Variants in NCOA3 observed in about 807,000 individuals in gnomAD.
The protein encoded by NCOA3 is CBP-interacting protein.
NCOA3 carries 51 observed loss-of-function variants against 158.8 expected under a neutral mutation model. That is an observed-to-expected ratio of 0.32 (90% confidence interval 0.26 to 0.41). The LOEUF is 0.41. Ranked by LOEUF, NCOA3 falls within the 10% of genes least tolerant of loss-of-function variation. NCOA3 has a pLI of 1.00. For missense variants in NCOA3, 1,510 were observed against 1,746.6 expected (o/e 0.86, Z 2.41); for synonymous variants, 537 against 592.4 (o/e 0.91, Z 1.36).
At chr20:47,529,558 G>A (rs563974410) in intron 1 of NCOA3, among the ~76,000 whole-genome samples, 44 of 152,206 alleles carry the variant, frequency 2.9e-4, no homozygotes, top group African/African-American at 1.0e-3. Context: ...GACCACAAGC[G>A]CATGCCACCA....
intron 1 of NCOA3, among the ~76,000 whole-genome samples, chr20:47,563,355 AACTC>A (rs1273238642): frequency 1.3e-5 from 2 of 152,212 alleles, no homozygotes; most frequent in African/African-American, 2.4e-5. Flanking sequence ...AGTTGTAACA[AACTC>A]ACCACTCTGA....
chr20:47,575,738 A>C (rs907468590), intron 1 of NCOA3, among the ~76,000 whole-genome samples: 3 of 152,220 alleles, frequency 2.0e-5, no homozygotes, highest in Admixed American at 6.5e-5. Flanking sequence ...AATTTAAGTC[A>C]ATGAGTCTGT....
At chr20:47,650,938 G>A (rs1222071068) in intron 19 of NCOA3, 44 bp from the exon 20 acceptor site, 23 of 1,578,598 alleles carry the variant, frequency 1.5e-5, no homozygotes, top group Non-Finnish European at 1.9e-5. Context: ...CAACTGGCAG[G>A]TTCTTGCTAT....
At chr20:47,553,420 T>G (rs1027452373) in intron 1 of NCOA3, among the ~76,000 whole-genome samples, 1 of 152,144 alleles carries the variant, frequency 6.6e-6, no homozygotes, top group Non-Finnish European at 1.5e-5. Flanking sequence ...TATTATACTT[T>G]AAGTTTTAGG....
At position 47,622,312 on chromosome 20, in the gene NCOA3, G is replaced by A. The variant is rs2086254677; in HGVS notation, c.65G>A (p.Cys22Tyr). 6.2e-7 allele frequency: 1 copy of A among 1,605,752 alleles called. No homozygotes were observed. Among genetic ancestry groups the A allele is most frequent in the Admixed American group, 1.7e-5 (1 of 58,646 alleles). The part of the protein sequence containing the change: ...ASDSRKRKLP[C>Y]DTPGQGLTCS... ...GATTCACGAAAACGCAAATTGCCAT[G>A]TGATACTCCAGGACAAGGGTAGGTG... The change falls in exon 3 of 23, where the codon TGT becomes TAT. Residue 22 changes from cysteine (C) to tyrosine (Y), a missense_variant. Cys to Tyr is a radical substitution (Grantham distance 194). This residue lies in a region of NCOA3 where 309 missense variants were observed against 427.1 expected (regional missense o/e 0.72). Coordinates refer to ENST00000371998, the MANE Select transcript of NCOA3 (RefSeq NM_181659.3).
intron 8 of NCOA3, among the ~76,000 whole-genome samples, chr20:47,632,884 T>C (rs1372763964): frequency 6.6e-6 from 1 of 152,038 alleles, no homozygotes; most frequent in East Asian, 1.9e-4. Flanking sequence ...GGTTTCACCA[T>C]GTTGGCCAGG....
chr20:47,638,860 A>G (rs1230441181), intron 13 of NCOA3, 148 bp from the exon 14 acceptor site: 2 of 636,396 alleles, frequency 3.1e-6, no homozygotes, highest in African/African-American at 1.9e-5. Flanking sequence ...GGTGAGGGCC[A>G]CTTCCCTCAC....
rs536613500 is a variant in NCOA3 at position 47,510,478 on chromosome 20, C to CTTGA, written c.-99+8460_-99+8463dup. 6.6e-3 allele frequency among the ~76,000 whole-genome samples: 972 copies of CTTGA among 147,974 alleles called. 12 individuals carry two copies. The highest frequency in any genetic ancestry group is 0.023 in the African/African-American group (910 of 40,142). On this transcript the variant is annotated intron_variant, in intron 1 of 22. Coordinates refer to ENST00000371998, the MANE Select transcript of NCOA3 (RefSeq NM_181659.3). ...CGATCATATCTAGAATGGTAGAAGC[C>CTTGA]TTGAGTGTATGGGTTCTAAGATTTG...
intron 18 of NCOA3, 116 bp from the exon 19 acceptor site, chr20:47,648,889 A>G: frequency 1.6e-6 from 1 of 626,038 alleles, no homozygotes; most frequent in Non-Finnish European, 2.8e-6. Context: ...GACGTGACTT[A>G]GCCAGGTTAT....
intron 1 of NCOA3, among the ~76,000 whole-genome samples, chr20:47,525,512 G>T (rs1279930912): frequency 6.7e-6 from 1 of 149,484 alleles, no homozygotes; most frequent in East Asian, 2.0e-4. Context: ...AGGGGCGGCC[G>T]GGCAGAGGCG....
At chr20:47,517,451 CTTTTTTTTTT>C (rs376699406) in intron 1 of NCOA3, among the ~76,000 whole-genome samples, 2 of 129,280 alleles carry the variant, frequency 1.5e-5, no homozygotes, top group African/African-American at 3.2e-5. Context: ...TTTTCTTTTT[CTTTTTTTTTT>C]TTTTTTTGAG....
chr20:47,620,303 G>A (rs2086218151), intron 2 of NCOA3, among the ~76,000 whole-genome samples: 1 of 152,024 alleles, frequency 6.6e-6, no homozygotes, highest in Non-Finnish European at 1.5e-5. Flanking sequence ...GTAGAGACAG[G>A]GTGTTACTGT....
intron 1 of NCOA3, among the ~76,000 whole-genome samples, chr20:47,517,554 G>T (rs1223252354): frequency 6.7e-6 from 1 of 148,872 alleles, no homozygotes; most frequent in African/African-American, 2.5e-5. Context: ...GGGTTCAAGT[G>T]ATTCTCCTGC....
chr20:47,541,664 C>G (rs2084740252), intron 1 of NCOA3, among the ~76,000 whole-genome samples: 1 of 150,848 alleles, frequency 6.6e-6, no homozygotes, highest in Non-Finnish European at 1.5e-5. Context: ...GCAAGGCCTC[C>G]CAAAGTACTG....
chr20:47,618,258 T>G (rs1303360003), intron 2 of NCOA3, among the ~76,000 whole-genome samples: 1 of 150,800 alleles, frequency 6.6e-6, no homozygotes, highest in Non-Finnish European at 1.5e-5. Context: ...AAACAAAAAA[T>G]AAGATAGAAA....
At chr20:47,511,550 T>TATATATATATATATATACACACAC in intron 1 of NCOA3, among the ~76,000 whole-genome samples, 6 of 52,270 alleles carry the variant, frequency 1.1e-4, no homozygotes, top group African/African-American at 2.7e-4. Flanking sequence ...TATATATATA[T>TATATATATATATATATACACACAC]ATATATTTCT....
intron 1 of NCOA3, among the ~76,000 whole-genome samples, chr20:47,502,339 C>G (rs1221415266): frequency 6.6e-6 from 1 of 152,110 alleles, no homozygotes; most frequent in Non-Finnish European, 1.5e-5. Flanking sequence ...CCCACTTTCC[C>G]CTTCTGTCCC....
chr20:47,652,935 T>G lies in NCOA3; in HGVS notation c.4126T>G (p.Phe1376Val), dbSNP rs1332677783. Residue 1376 changes from phenylalanine to valine, a missense_variant, in exon 22 of 23, where the codon TTT becomes GTT. Physicochemically the swap from Phe to Val is conservative, Grantham distance 50. Transcript: ENST00000371998. The stretch of plus-strand genomic sequence containing the variant: ...TTACCATTTGTTTACTTACAGCTCC[T>G]TTTCCCAGCAGCAGTTTGCCCACCA... ...PSGNLARNSS[F>V]SQQQFAHQGN... The G allele has an allele frequency of 1.2e-6, 2 of 1,613,750 alleles. No homozygotes were observed. Among genetic ancestry groups the G allele is most frequent in the Admixed American group, 3.3e-5 (2 of 59,966 alleles).
At chr20:47,578,834 G>C (rs1243793413) in intron 1 of NCOA3, among the ~76,000 whole-genome samples, 1 of 152,210 alleles carries the variant, frequency 6.6e-6, no homozygotes, top group Admixed American at 6.5e-5. Flanking sequence ...CCTGGGAGCA[G>C]TGCCAGTGGG....
Sources: allele counts gnomAD v4.1 joint callset (sites outside exome capture counted in the v4.1 genomes callset), GRCh38; gene constraint gnomAD v4.1.1; regional missense constraint gnomAD v4.1.1; transcripts MANE v1.5; gene names NCBI Gene and HGNC (gene_info 2026-07-23, HGNC 2026-07-21).